Variants in MACROD2 observed in about 807,000 individuals in gnomAD.
MACROD2 encodes mono-ADP ribosylhydrolase 2.
Under a neutral mutation model 70.4 loss-of-function variants are expected in MACROD2, and 36 were observed. The ratio of observed to expected loss-of-function variants is 0.51; its 90% confidence interval spans 0.39 to 0.68. The LOEUF (loss-of-function observed/expected upper bound fraction) is 0.68. Among genes scored for constraint, MACROD2 ranks in the 30% least tolerant of loss-of-function variants. The pLI is 0.00. For synonymous variants in MACROD2, 172 were observed against 178.8 expected, an observed-to-expected ratio of 0.96 and a Z score of 0.30; for missense variants, 496 against 538.4, an observed-to-expected ratio of 0.92 and a Z score of 0.78.
chr20:16,007,338 C>T (rs2066802865), intron 15 of MACROD2, among the ~76,000 whole-genome samples: 1 of 152,166 alleles, frequency 6.6e-6, no homozygotes, highest in African/African-American at 2.4e-5. Context: ...TTCTGAACCA[C>T]AGAAACCAGT....
chr20:15,679,236 C>CAA (rs35869757), intron 8 of MACROD2, among the ~76,000 whole-genome samples: 1,551 of 109,274 alleles, frequency 0.014, 36 homozygotes, highest in African/African-American at 0.041. Context: ...GACTCCATCT[C>CAA]AAAAAAAAAA....
chr20:15,105,131 G>A (rs1454988750), intron 5 of MACROD2, among the ~76,000 whole-genome samples: 1 of 152,108 alleles, frequency 6.6e-6, no homozygotes, highest in African/African-American at 2.4e-5. Context: ...AAACTAAAAA[G>A]GAAATTTGTT....
At chr20:15,131,906 G>A (rs924493896) in intron 5 of MACROD2, among the ~76,000 whole-genome samples, 1 of 151,856 alleles carries the variant, frequency 6.6e-6, no homozygotes, top group Admixed American at 6.6e-5. Flanking sequence ...TGATATATAT[G>A]TAATATAAAT....
At chr20:15,066,129 T>TTA (rs2075572977) in intron 5 of MACROD2, among the ~76,000 whole-genome samples, 1 of 149,652 alleles carries the variant, frequency 6.7e-6, no homozygotes, top group Admixed American at 6.7e-5. Flanking sequence ...TTTTTATTTT[T>TTA]AATTTTTATT....
chr20:14,707,119 G>T (rs1163922801), intron 5 of MACROD2, among the ~76,000 whole-genome samples: 1 of 152,120 alleles, frequency 6.6e-6, no homozygotes, highest in East Asian at 1.9e-4. Context: ...CTCTCTGTTT[G>T]AAATGTGTAA....
chr20:14,598,667 A>G (rs1295322345), intron 4 of MACROD2, among the ~76,000 whole-genome samples: 1 of 152,154 alleles, frequency 6.6e-6, no homozygotes, highest in African/African-American at 2.4e-5. Flanking sequence ...GAAAATGTAA[A>G]ATTTATTTGC....
At chr20:15,442,210 G>T (rs545421035) in intron 7 of MACROD2, among the ~76,000 whole-genome samples, 86 of 152,090 alleles carry the variant, frequency 5.7e-4, no homozygotes, top group Non-Finnish European at 1.1e-3. Flanking sequence ...TAGCTCCTTA[G>T]GACAATGACT....
At chr20:15,729,716 C>T (rs2050916234) in intron 8 of MACROD2, among the ~76,000 whole-genome samples, 1 of 151,460 alleles carries the variant, frequency 6.6e-6, no homozygotes, top group Non-Finnish European at 1.5e-5. Context: ...ACAACCCCTC[C>T]TTTTTTCTGT....
In MACROD2 at chr20:14,192,640, A is replaced by G. The variant is rs74570471; in HGVS notation, c.271+106912A>G. 5.9e-3 allele frequency among the ~76,000 whole-genome samples: 905 copies of G among 152,242 alleles called. 29 individuals are homozygous for G. In the East Asian group the frequency reaches 0.076, roughly 13 times the overall value. ...AGCTGGGGTCTGAGGTGACATAGTG[A>G]AGTGCCCAAACAGGTGGATAATGCA... On this transcript the variant is annotated intron_variant, in intron 3 of 17. Transcript: ENST00000684519.
chr20:15,246,597 T>C (rs761668299), intron 6 of MACROD2, among the ~76,000 whole-genome samples: 2 of 152,158 alleles, frequency 1.3e-5, no homozygotes, highest in African/African-American at 2.4e-5. Flanking sequence ...ATATTAAAAA[T>C]TTGAAACTCT....
At chr20:15,651,223 G>A (rs1331987757) in intron 8 of MACROD2, among the ~76,000 whole-genome samples, 1 of 152,190 alleles carries the variant, frequency 6.6e-6, no homozygotes, top group Non-Finnish European at 1.5e-5. Context: ...AAAGAGTTCA[G>A]AAACACAAAT....
intron 2 of MACROD2, among the ~76,000 whole-genome samples, chr20:14,084,085 A>AAAAAAAAAAC (rs1555917207): frequency 4.7e-5 from 7 of 148,300 alleles, no homozygotes; most frequent in Non-Finnish European, 9.0e-5. Context: ...AAACAAACAA[A>AAAAAAAAAAC]AAAAAACCTT....
At chr20:15,004,092 AAAGGCCT>A (rs2075017093) in intron 5 of MACROD2, among the ~76,000 whole-genome samples, 1 of 152,148 alleles carries the variant, frequency 6.6e-6, no homozygotes, top group Non-Finnish European at 1.5e-5. Context: ...CTGCCTTAAA[AAAGGCCT>A]AACCGGGGAG....
At chr20:14,945,469 C>T (rs767255688) in intron 5 of MACROD2, among the ~76,000 whole-genome samples, 9 of 152,136 alleles carry the variant, frequency 5.9e-5, no homozygotes, top group Non-Finnish European at 1.2e-4. Context: ...GTGGCTGTCA[C>T]CTTAGTAAGG....
chr20:15,443,064 A>G (rs2046516802), intron 7 of MACROD2, among the ~76,000 whole-genome samples: 1 of 152,168 alleles, frequency 6.6e-6, no homozygotes, highest in African/African-American at 2.4e-5. Context: ...AAATCAATAC[A>G]TTGAGAATGA....
chr20:14,840,044 T>C (rs2073070675), intron 5 of MACROD2, among the ~76,000 whole-genome samples: 1 of 151,354 alleles, frequency 6.6e-6, no homozygotes, highest in Non-Finnish European at 1.5e-5. Flanking sequence ...TTTTTTTTTT[T>C]TTTCTTTTTT....
intron 5 of MACROD2, among the ~76,000 whole-genome samples, chr20:14,879,518 A>C (rs1014520634): frequency 6.6e-6 from 1 of 152,178 alleles, no homozygotes; most frequent in African/African-American, 2.4e-5. Context: ...GACTCAGAGG[A>C]AAATGGAGAG....
At chr20:15,064,640 C>T (rs1477245273) in intron 5 of MACROD2, among the ~76,000 whole-genome samples, 1 of 152,160 alleles carries the variant, frequency 6.6e-6, no homozygotes, top group Non-Finnish European at 1.5e-5. Flanking sequence ...ATAATAGCCA[C>T]TCCACGCATA....
rs527485275 is a variant in MACROD2 at position 15,706,040 on chromosome 20, G to T, written c.646-156705G>T. Among the ~76,000 whole-genome samples the T allele has an allele frequency of 3.8e-4, 58 of 152,276 alleles. 1 individual carries two copies. The highest frequency in any genetic ancestry group is 1.3e-3 in the African/African-American group (52 of 41,546). ...TATCTGCCAGTCAAAGTCAGTCTTG[G>T]TCCTAAATAGGATGTTGTTACATGC... is the stretch of plus-strand genomic sequence containing the variant. On this transcript the variant is annotated intron_variant, in intron 8 of 17. Coordinates refer to ENST00000684519, the MANE Select transcript of MACROD2 (RefSeq NM_001351661.2).
Sources: gnomAD v4.1 joint callset for allele counts (sites outside exome capture counted in the v4.1 genomes callset) on GRCh38, gnomAD v4.1.1 for gene constraint, MANE v1.5 for transcripts, NCBI Gene and HGNC (gene_info 2026-07-23, HGNC 2026-07-21) for gene names.